The following SLC41A2 variants were observed in gnomAD, a reference collection of about 807,000 sequenced individuals.
The protein encoded by SLC41A2 is SLC41A1-like 1.
Under a neutral mutation model 58.3 loss-of-function variants are expected in SLC41A2, and 32 were observed. The ratio of observed to expected loss-of-function variants is 0.55; its 90% CI spans 0.41 to 0.74. SLC41A2 has a LOEUF of 0.74. Among genes scored for constraint, SLC41A2 ranks in the 30% least tolerant of loss-of-function variants. SLC41A2 has a pLI of 0.00. For synonymous variants in SLC41A2, 190 were observed against 235.0 expected, an observed-to-expected ratio of 0.81 and a Z score of 1.75; for missense variants, 514 against 680.6, an observed-to-expected ratio of 0.76 and a Z score of 2.72.
chr12:104,847,009 A>G (rs910903402), intron 8 of SLC41A2, among the ~76,000 whole-genome samples: 8 of 152,130 alleles, frequency 5.3e-5, no homozygotes, highest in African/African-American at 1.7e-4. Context: ...AAGAATATAA[A>G]CCATTGAAGG....
intron 2 of SLC41A2, among the ~76,000 whole-genome samples, chr12:104,926,251 T>C (rs1205959658): frequency 1.3e-5 from 2 of 152,200 alleles, no homozygotes; most frequent in African/African-American, 2.4e-5. Flanking sequence ...TGGCAACTTA[T>C]TACTTTAGAA....
At chr12:104,865,266 T>C (rs1343239600) in intron 7 of SLC41A2, among the ~76,000 whole-genome samples, 2 of 152,206 alleles carry the variant, frequency 1.3e-5, no homozygotes, top group Non-Finnish European at 2.9e-5. Flanking sequence ...TACTTAGTCT[T>C]GCTATTTGTC....
chr12:104,841,943 G>A (rs540526511), intron 10 of SLC41A2, among the ~76,000 whole-genome samples: 1 of 152,174 alleles, frequency 6.6e-6, no homozygotes, highest in African/African-American at 2.4e-5. Flanking sequence ...AGCATGCATT[G>A]GAAAACTGCA....
intron 10 of SLC41A2, among the ~76,000 whole-genome samples, chr12:104,823,059 A>G (rs2041701623): frequency 6.6e-6 from 1 of 152,208 alleles, no homozygotes; most frequent in Non-Finnish European, 1.5e-5. Context: ...ACATATTGGA[A>G]AAAGCAGCTA....
intron 5 of SLC41A2, among the ~76,000 whole-genome samples, chr12:104,888,745 A>C (rs1191248570): frequency 6.6e-6 from 1 of 152,144 alleles, no homozygotes; most frequent in Non-Finnish European, 1.5e-5. Flanking sequence ...CAATTTATTT[A>C]ACTTACAGAA....
Position 104,803,512 on chromosome 12 carries a change from A to G in SLC41A2, c.*1640T>C, listed in dbSNP as rs2040769375. 1 of 152,166 alleles carries G rather than the reference A, an allele frequency of 6.6e-6. No individual in the cohort carries two copies. The highest frequency in any genetic ancestry group is 2.1e-4 in the South Asian group (1 of 4,834). 9.4% of individuals were successfully genotyped at this position (152,166 alleles called of 1,614,324 possible). A position where few individuals can be genotyped will look rare whatever the true frequency, so the allele number is the denominator to read the frequency against. ...TTAACAAGAATACTTTCTGCAATAT[A>G]TTTATAAACAACCTAATATTTATAT... On this transcript the variant is annotated 3_prime_UTR_variant, in exon 11 of 11. Coordinates refer to ENST00000258538, the MANE Select transcript of SLC41A2 (RefSeq NM_001352171.3).
At chr12:104,944,471 C>G (rs75016895) in intron 1 of SLC41A2, among the ~76,000 whole-genome samples, 1 of 152,224 alleles carries the variant, frequency 6.6e-6, no homozygotes, top group Non-Finnish European at 1.5e-5. Flanking sequence ...ATTGAGATTA[C>G]GTAAATCACA....
intron 8 of SLC41A2, among the ~76,000 whole-genome samples, chr12:104,847,216 G>C (rs537941813): frequency 1.3e-5 from 2 of 151,926 alleles, no homozygotes; most frequent in Non-Finnish European, 2.9e-5. Context: ...GGAAAAGAAC[G>C]TAAGAGTGAC....
intron 1 of SLC41A2, among the ~76,000 whole-genome samples, chr12:104,936,192 T>C (rs1363298405): frequency 6.6e-6 from 1 of 152,210 alleles, no homozygotes; most frequent in African/African-American, 2.4e-5. Flanking sequence ...CAGTTACATA[T>C]ATGTAGTACA....
At chr12:104,833,642 C>T (rs950700517) in intron 10 of SLC41A2, among the ~76,000 whole-genome samples, 6 of 152,046 alleles carry the variant, frequency 3.9e-5, no homozygotes, top group African/African-American at 1.4e-4. Context: ...CTAGATAGTA[C>T]AAAAATATAA....
chr12:104,806,764 G>A (rs1423671213), intron 10 of SLC41A2, among the ~76,000 whole-genome samples: 2 of 151,896 alleles, frequency 1.3e-5, no homozygotes, highest in Non-Finnish European at 2.9e-5. Context: ...ATTCTAACTG[G>A]TGTGAGATGT....
rs538080477 is a variant in SLC41A2, at chr12:104,912,031, C to T, written c.556-2269G>A. Among the ~76,000 whole-genome samples, 4 of 152,170 alleles carry T rather than the reference C, an allele frequency of 2.6e-5. No homozygotes were observed. The East Asian group carries it at 7.7e-4, about 29-fold the overall frequency. ...CTAACATTCACTGATCGTTATGTTCCAGGCACTGTTCTTTAGACTCACTCA... is the reference window on the plus strand; with the variant it reads ...CTAACATTCACTGATCGTTATGTTCTAGGCACTGTTCTTTAGACTCACTCA... On this transcript the variant is annotated intron_variant, in intron 2 of 10. Transcript: ENST00000258538.
At chr12:104,941,219 C>A (rs907867564) in intron 1 of SLC41A2, among the ~76,000 whole-genome samples, 7 of 152,170 alleles carry the variant, frequency 4.6e-5, no homozygotes, top group Non-Finnish European at 7.4e-5. Context: ...CACAATTTTG[C>A]TACTGATACC....
chr12:104,956,854 T>C (rs1002771656), intron 1 of SLC41A2, among the ~76,000 whole-genome samples: 5 of 152,108 alleles, frequency 3.3e-5, no homozygotes, highest in African/African-American at 1.2e-4. Flanking sequence ...CACAAAGAGA[T>C]ACCATTCCAC....
At chr12:104,857,801 T>C (rs2043071660) in intron 8 of SLC41A2, among the ~76,000 whole-genome samples, 1 of 129,590 alleles carries the variant, frequency 7.7e-6, no homozygotes, top group Non-Finnish European at 1.5e-5. Context: ...AATTGAACAA[T>C]GAGAACACTT....
At chr12:104,954,932 T>C (rs1393172281) in intron 1 of SLC41A2, among the ~76,000 whole-genome samples, 1 of 152,056 alleles carries the variant, frequency 6.6e-6, no homozygotes, top group East Asian at 1.9e-4. Context: ...TCTAGGCCCA[T>C]TTGTGCACTT....
intron 4 of SLC41A2, among the ~76,000 whole-genome samples, chr12:104,894,916 C>G (rs2045206326): frequency 6.6e-6 from 1 of 152,020 alleles, no homozygotes; most frequent in South Asian, 2.1e-4. Context: ...CTCAGTTTAT[C>G]TTTAAATATC....
chr12:104,924,421 C>G (rs1483155929), intron 2 of SLC41A2, among the ~76,000 whole-genome samples: 1 of 152,204 alleles, frequency 6.6e-6, no homozygotes, highest in South Asian at 2.1e-4. Context: ...ACATATATAC[C>G]CAAAAGAAAT....
chr12:104,909,070 G>A (rs1451494140), intron 3 of SLC41A2, among the ~76,000 whole-genome samples: 1 of 152,128 alleles, frequency 6.6e-6, no homozygotes, highest in Non-Finnish European at 1.5e-5. Flanking sequence ...AGATGATCAT[G>A]ATGTATTTTT....
Sources: gnomAD v4.1 joint callset for allele counts (sites outside exome capture counted in the v4.1 genomes callset) on GRCh38, gnomAD v4.1.1 for gene constraint, MANE v1.5 for transcripts, NCBI Gene and HGNC (gene_info 2026-07-23, HGNC 2026-07-21) for gene names.